Variants in RBFOX1 observed in about 807,000 individuals in gnomAD.
The protein encoded by RBFOX1 is RNA binding fox-1 homolog 1, also known as RNA binding protein fox-1 homolog 1.
RBFOX1 carries 8 observed loss-of-function variants against 57.7 expected under a neutral mutation model. The ratio of observed to expected loss-of-function variants is 0.14; its 90% CI spans 0.08 to 0.25. The LOEUF (loss-of-function observed/expected upper bound fraction) is 0.25, where lower values mean the gene tolerates loss of function less well. Ranked by LOEUF, RBFOX1 falls within the 10% of genes least tolerant of loss-of-function variation. The pLI, the probability that RBFOX1 is intolerant of heterozygous loss-of-function variation, is 1.00. For synonymous variants in RBFOX1, 326 were observed against 222.4 expected (o/e 1.47, Z -4.15); for missense variants, 611 against 548.5 (o/e 1.11, Z -1.14).
intron 3 of RBFOX1, among the ~76,000 whole-genome samples, chr16:5,745,057 T>C (rs1314607737): frequency 2.0e-5 from 3 of 152,244 alleles, no homozygotes; most frequent in African/African-American, 7.2e-5. Flanking sequence ...ACTTGTCATT[T>C]ACATTAGGTA....
chr16:6,890,140 A>G (rs1386422227), intron 3 of RBFOX1, among the ~76,000 whole-genome samples: 1 of 152,238 alleles, frequency 6.6e-6, no homozygotes, highest in Non-Finnish European at 1.5e-5. Flanking sequence ...TAAGGTGAAA[A>G]TGTGAAAGCC....
chr16:6,595,772 A>C (rs1600952065), intron 2 of RBFOX1, among the ~76,000 whole-genome samples: 1 of 152,262 alleles, frequency 6.6e-6, no homozygotes, highest in East Asian at 1.9e-4. Context: ...AGTACAGCTC[A>C]TCATGGATTT....
intron 4 of RBFOX1, among the ~76,000 whole-genome samples, chr16:7,344,813 G>A (rs1184706758): frequency 2.0e-5 from 3 of 152,220 alleles, no homozygotes; most frequent in Non-Finnish European, 4.4e-5. Context: ...ACACAATTCT[G>A]CAAAGCTTTG....
chr16:5,330,427 G>A (rs1210394173), intron 1 of RBFOX1, among the ~76,000 whole-genome samples: 1 of 152,036 alleles, frequency 6.6e-6, no homozygotes, highest in Non-Finnish European at 1.5e-5. Context: ...TTTTGAGACA[G>A]AGTCTCAGTC....
chr16:7,501,868 A>C (rs2071006477), intron 4 of RBFOX1, among the ~76,000 whole-genome samples: 1 of 152,168 alleles, frequency 6.6e-6, no homozygotes, highest in Non-Finnish European at 1.5e-5. Flanking sequence ...GACTCCTGCC[A>C]GCCTGTAGCT....
Position 6,611,131 on chromosome 16 carries a change from T to C in RBFOX1, c.-63-43472T>C, listed in dbSNP as rs1601475753. 2.6e-5 allele frequency among the ~76,000 whole-genome samples: 4 copies of C among 152,246 alleles called. No individual in the cohort carries two copies. In the South Asian group the frequency reaches 8.3e-4, roughly 32 times the overall value. The stretch of plus-strand genomic sequence containing the variant: ...TGGTTGGAGATGACAAAGTGGACTG[T>C]AATAGTCTTTGTGTAGTTATTTTTT... On this transcript the variant is annotated intron_variant, in intron 2 of 15. Transcript: ENST00000550418.
In RBFOX1 at chr16:5,947,991, G is replaced by A. The variant is rs985098030; in HGVS notation, c.351+80656G>A. Reference sequence around the variant, plus strand: ...ATTCCCTTTTGACCGTGGCGCTGAGGACATATGTTCATACATTTTCATGGC... The same window carrying A: ...ATTCCCTTTTGACCGTGGCGCTGAGAACATATGTTCATACATTTTCATGGC... On this transcript the variant is annotated intron_variant, in intron 4 of 19. Transcript: ENST00000641259. The surrounding 1 kb of genome is among the most constrained non-coding windows in gnomAD (Gnocchi z 7.2). Among the ~76,000 whole-genome samples the A allele has an allele frequency of 6.6e-6, 1 of 152,162 alleles. No homozygotes were observed. The highest frequency in any genetic ancestry group is 1.5e-5 in the Non-Finnish European group (1 of 68,040).
chr16:7,195,690 C>G (rs1165588533), intron 4 of RBFOX1, among the ~76,000 whole-genome samples: 2 of 152,038 alleles, frequency 1.3e-5, no homozygotes, highest in Non-Finnish European at 1.5e-5. Flanking sequence ...GTAGCTGGAA[C>G]TACAGGCCTG....
chr16:6,946,427 A>C (rs2079535263), intron 3 of RBFOX1, among the ~76,000 whole-genome samples: 1 of 152,182 alleles, frequency 6.6e-6, no homozygotes. Flanking sequence ...GAGTTCTGTG[A>C]TGAAAATAAG....
chr16:6,142,186 CTGCAAAAAAAAA>C (rs1416101803), intron 1 of RBFOX1, among the ~76,000 whole-genome samples: 1 of 55,410 alleles, frequency 1.8e-5, no homozygotes, highest in African/African-American at 8.1e-5. Context: ...GTTGCTGCTG[CTGCAAAAAAAAA>C]AAAAAAAAAA....
At chr16:5,848,018 T>A (rs1414222158) in intron 3 of RBFOX1, among the ~76,000 whole-genome samples, 2 of 152,160 alleles carry the variant, frequency 1.3e-5, no homozygotes, top group Non-Finnish European at 2.9e-5. Context: ...AGTGATAATT[T>A]AAGCATACCC....
chr16:5,543,302 G>A (rs11642718), intron 2 of RBFOX1, among the ~76,000 whole-genome samples: 65,010 of 151,914 alleles, frequency 0.43, 14,330 homozygotes, highest in African/African-American at 0.47. Context: ...AGAGAGGGAC[G>A]TGTTTAAAAA....
intron 3 of RBFOX1, among the ~76,000 whole-genome samples, chr16:5,738,226 G>T (rs2052648626): frequency 6.6e-6 from 1 of 152,132 alleles, no homozygotes; most frequent in South Asian, 2.1e-4. Flanking sequence ...GTCACATGCA[G>T]AGAATGTGTA....
chr16:5,380,170 C>A (rs2151389540), intron 1 of RBFOX1, among the ~76,000 whole-genome samples: 2 of 152,368 alleles, frequency 1.3e-5, no homozygotes, highest in East Asian at 3.9e-4. Flanking sequence ...ATGACAGCAT[C>A]CTCCGCCTGG....
At chr16:6,581,203 G>C (rs553547621) in intron 2 of RBFOX1, among the ~76,000 whole-genome samples, 5 of 152,184 alleles carry the variant, frequency 3.3e-5, no homozygotes, top group Admixed American at 6.5e-5. Context: ...CTTCAAGTAG[G>C]ATTTCTAAAG....
At chr16:6,943,016 A>G (rs1213753974) in intron 3 of RBFOX1, among the ~76,000 whole-genome samples, 1 of 152,186 alleles carries the variant, frequency 6.6e-6, no homozygotes, top group Non-Finnish European at 1.5e-5. Flanking sequence ...CTTCCTACCC[A>G]GACCCAAATG....
At chr16:6,436,784 A>T (rs2094248201) in intron 2 of RBFOX1, among the ~76,000 whole-genome samples, 2 of 152,138 alleles carry the variant, frequency 1.3e-5, no homozygotes, top group Non-Finnish European at 2.9e-5. Flanking sequence ...TGTTGGATGA[A>T]TGAAAATAGA....
intron 1 of RBFOX1, among the ~76,000 whole-genome samples, chr16:5,273,429 C>T (rs2063065137): frequency 6.6e-6 from 1 of 152,094 alleles, no homozygotes; most frequent in African/African-American, 2.4e-5. Flanking sequence ...GTCTAGTTCC[C>T]ACTCTCAGCC....
At chr16:5,693,578 C>A (rs2050760035) in intron 3 of RBFOX1, among the ~76,000 whole-genome samples, 1 of 152,106 alleles carries the variant, frequency 6.6e-6, no homozygotes, top group Non-Finnish European at 1.5e-5. Context: ...TCAGGCCCTT[C>A]TTTCAATCAT....
Sources: allele counts gnomAD v4.1 joint callset (sites outside exome capture counted in the v4.1 genomes callset), GRCh38; gene constraint gnomAD v4.1.1; non-coding constraint Gnocchi (gnomAD v3.1); transcripts MANE v1.5; gene names NCBI Gene and HGNC (gene_info 2026-07-23, HGNC 2026-07-21).